SCP2: variants seen among roughly 807,000 people sequenced by gnomAD.
SCP2 encodes the protein sterol carrier protein 2.
SCP2 carries 48 observed loss-of-function variants against 71.4 expected under a neutral mutation model. That is an observed-to-expected ratio of 0.67 (90% CI 0.53 to 0.86). The LOEUF is 0.86. Among genes scored for constraint, SCP2 ranks in the 40% least tolerant of loss-of-function variants. SCP2 has a pLI of 0.00. For synonymous variants in SCP2, 220 were observed against 218.1 expected, an observed-to-expected ratio of 1.01 and a Z score of -0.08; for missense variants, 560 against 655.6, an observed-to-expected ratio of 0.85 and a Z score of 1.59.
intron 6 of SCP2, among the ~76,000 whole-genome samples, chr1:52,963,151 C>G (rs1048309288): frequency 3.9e-5 from 6 of 151,956 alleles, no homozygotes; most frequent in African/African-American, 1.4e-4. Context: ...AAAGTAGTCC[C>G]CTCCTGTTAT....
intron 5 of SCP2, among the ~76,000 whole-genome samples, chr1:52,958,586 A>T (rs1656040373): frequency 7.3e-6 from 1 of 137,620 alleles, no homozygotes; most frequent in South Asian, 2.5e-4. Context: ...TTTGTTTGTT[A>T]TTCTTTTTTA....
chr1:52,994,694 G>A, intron 11 of SCP2: 1 of 675,598 alleles, frequency 1.5e-6, no homozygotes. Context: ...CATACCTTGA[G>A]GCGAGCAAAA....
At chr1:52,955,193 A>G (rs1188530092) in intron 5 of SCP2, among the ~76,000 whole-genome samples, 4 of 152,234 alleles carry the variant, frequency 2.6e-5, no homozygotes, top group Non-Finnish European at 5.9e-5. Context: ...ATAGAATATG[A>G]AAAAAGAAAT....
intron 15 of SCP2, 77 bp downstream of exon 15, chr1:53,048,014 C>G (rs775628107): frequency 3.0e-6 from 3 of 1,007,970 alleles, no homozygotes; most frequent in Admixed American, 3.4e-5. Flanking sequence ...GACTCAGACT[C>G]TAAAGTGCAA....
At chr1:52,976,815 C>T in intron 8 of SCP2, 46 bp downstream of exon 8, 2 of 945,966 alleles carry the variant, frequency 2.1e-6, no homozygotes, top group Admixed American at 3.4e-5. Flanking sequence ...GTAACTGCTG[C>T]CCTTCCTGCC....
In SCP2 at chr1:52,927,392, C is replaced by T; in HGVS notation, c.-5C>T. The stretch of plus-strand genomic sequence containing the variant: ...CGCCCGCCCCGGTCCCGCACTGGTG[C>T]AGCCATGTCCTCTTCCCCGTGGGAG... On this transcript the variant is annotated 5_prime_UTR_variant, in exon 1 of 16. Coordinates refer to ENST00000371514, the MANE Select transcript of SCP2 (RefSeq NM_002979.5). 6.3e-7 allele frequency: 1 copy of T among 1,586,408 alleles called. No homozygotes were observed. The highest frequency in any genetic ancestry group is 1.3e-5 in the African/African-American group (1 of 74,722).
rs1455811983 is a variant in SCP2 at position 52,942,413 on chromosome 1, G to T, written c.127+560G>T. Among the ~76,000 whole-genome samples, 5 of 152,108 alleles carry T rather than the reference G, an allele frequency of 3.3e-5. No homozygotes were observed. In the East Asian group the frequency reaches 9.6e-4, roughly 29 times the overall value. On this transcript the variant is annotated intron_variant, in intron 2 of 15. Transcript: ENST00000371514. The stretch of plus-strand genomic sequence containing the variant: ...GTGTGAGTGGAACTAACAGGGAGAA[G>T]GATCTACAGGTGTATGGGTCCTGGT...
At chr1:53,005,488 C>A (rs1026747524) in intron 11 of SCP2, among the ~76,000 whole-genome samples, 1 of 152,192 alleles carries the variant, frequency 6.6e-6, no homozygotes, top group African/African-American at 2.4e-5. Flanking sequence ...GCAGTCTCCG[C>A]TGGTGATACC....
intron 10 of SCP2, 28 bp from the exon 11 acceptor site, chr1:52,988,001 T>G: frequency 9.1e-7 from 1 of 1,100,020 alleles, no homozygotes; most frequent in Non-Finnish European, 1.4e-6. Context: ...ACTATTAATA[T>G]TTGTGAATAC....
chr1:53,038,076 A>G (rs1444959883), intron 13 of SCP2, among the ~76,000 whole-genome samples: 1 of 151,518 alleles, frequency 6.6e-6, no homozygotes, highest in Non-Finnish European at 1.5e-5. Flanking sequence ...AGCACTGGAG[A>G]TCGACCCTGC....
At position 52,941,757 on chromosome 1, in the gene SCP2, A is replaced by G. The variant is rs773553047; in HGVS notation, c.70-39A>G. ...CTCAAAAAAAAAAAAAAATGTAACT[A>G]TACTTGTTTGTATTTATTATCTCTT... On this transcript the variant is annotated intron_variant, in intron 1 of 15. Coordinates refer to ENST00000371514, the MANE Select transcript of SCP2 (RefSeq NM_002979.5). The G allele has an allele frequency of 2.2e-6, 3 of 1,384,298 alleles. No individual in the cohort carries two copies. The Admixed American group carries it at 5.1e-5, about 24-fold the overall frequency. The allele number at this position is 1,384,298 out of a possible 1,614,324, so 85.8% of individuals were successfully genotyped here. A position where few individuals can be genotyped will look rare whatever the true frequency, so the allele number is the denominator to read the frequency against.
intron 1 of SCP2, among the ~76,000 whole-genome samples, chr1:52,933,943 A>C (rs2150097952): frequency 6.6e-6 from 1 of 152,364 alleles, no homozygotes; most frequent in Non-Finnish European, 1.5e-5. Flanking sequence ...ACTAGTAGTC[A>C]CTATATTTGT....
chr1:52,998,788 C>T (rs1660115051), intron 11 of SCP2, among the ~76,000 whole-genome samples: 1 of 152,142 alleles, frequency 6.6e-6, no homozygotes, highest in Non-Finnish European at 1.5e-5. Flanking sequence ...ATGAGACTGC[C>T]TCTTTTCCTT....
Position 52,992,562 on chromosome 1 carries a change from A to G in SCP2, c.1081+4426A>G, listed in dbSNP as rs115597986. Among the ~76,000 whole-genome samples, 620 of 152,322 alleles carry G rather than the reference A, an allele frequency of 4.1e-3. 5 individuals carry two copies. Among genetic ancestry groups the G allele is most frequent in the African/African-American group, 0.014 (595 of 41,586 alleles). On this transcript the variant is annotated intron_variant, in intron 11 of 15. Coordinates refer to ENST00000371514, the MANE Select transcript of SCP2 (RefSeq NM_002979.5). ...AGTCCTAAATGAGTCCAAATATTTG[A>G]CCACGTAGAATATTACCATCTTCAA...
chr1:52,951,171 A>G (rs114812863), intron 4 of SCP2, among the ~76,000 whole-genome samples: 12 of 152,056 alleles, frequency 7.9e-5, no homozygotes, highest in Non-Finnish European at 1.5e-4. Flanking sequence ...AGTCCCAGCT[A>G]TCTGGGAGGC....
At chr1:52,962,510 A>G (rs182748948) in intron 6 of SCP2, among the ~76,000 whole-genome samples, 10 of 152,206 alleles carry the variant, frequency 6.6e-5, no homozygotes, top group African/African-American at 2.4e-4. Flanking sequence ...ATTGTTTCTC[A>G]TGACATTCAG....
chr1:53,019,459 G>A (rs1661565717), intron 12 of SCP2, among the ~76,000 whole-genome samples: 1 of 152,160 alleles, frequency 6.6e-6, no homozygotes, highest in Non-Finnish European at 1.5e-5. Flanking sequence ...GTGGGAACCT[G>A]ATCAAGTTGA....
rs944397279 is a variant in SCP2 at position 52,960,279 on chromosome 1, GTTTCC to G, written c.397-1219_397-1215del. On this transcript the variant is annotated intron_variant, in intron 5 of 15. Transcript: ENST00000371514. ...ATTTCAATCTGCTCTCATTCTTGAT[GTTTCC>G]TTTCTTCTCCTTACTTTGGGTTTAA... 9.2e-5 allele frequency among the ~76,000 whole-genome samples: 14 copies of G among 151,838 alleles called. No homozygotes were observed. The East Asian group carries it at 2.5e-3, about 27-fold the overall frequency.
chr1:53,041,179 G>A (rs182511019), intron 14 of SCP2, among the ~76,000 whole-genome samples: 5 of 152,114 alleles, frequency 3.3e-5, no homozygotes, highest in Admixed American at 6.5e-5. Flanking sequence ...CGAGGCGGGC[G>A]GATTACGAGA....
Sources: gnomAD v4.1 joint callset for allele counts (sites outside exome capture counted in the v4.1 genomes callset) on GRCh38, gnomAD v4.1.1 for gene constraint, MANE v1.5 for transcripts, NCBI Gene and HGNC (gene_info 2026-07-23, HGNC 2026-07-21) for gene names.